The following TSPEAR variants were observed in gnomAD, a reference collection of about 807,000 sequenced individuals.
TSPEAR encodes the protein thrombospondin-type laminin G domain and EAR repeat-containing protein.
Under a neutral mutation model 71.6 loss-of-function variants are expected in TSPEAR, and 69 were observed. That is an observed-to-expected ratio of 0.96 (90% CI 0.79 to 1.18). The LOEUF is 1.18. TSPEAR is among the 50% of genes most tolerant of loss of function. TSPEAR has a pLI of 0.00. For synonymous variants in TSPEAR, 402 were observed against 387.2 expected, an observed-to-expected ratio of 1.04 and a Z score of -0.45; for missense variants, 971 against 894.9, an observed-to-expected ratio of 1.09 and a Z score of -1.09.
At chr21:44,572,811 T>C (rs9976294) in intron 1 of TSPEAR, among the ~76,000 whole-genome samples, 5,837 of 150,292 alleles carry the variant, frequency 0.039, 348 homozygotes, top group African/African-American at 0.13. Context: ...ATGCTTTGTA[T>C]CCTTATAAAA....
intron 2 of TSPEAR, among the ~76,000 whole-genome samples, chr21:44,542,341 G>GA (rs2053235080): frequency 6.6e-6 from 1 of 152,162 alleles, no homozygotes; most frequent in African/African-American, 2.4e-5. Context: ...AAATTTATGG[G>GA]AAAAATGATT....
intron 1 of TSPEAR, among the ~76,000 whole-genome samples, chr21:44,576,188 G>A (rs782684193): frequency 2.3e-4 from 35 of 152,346 alleles, no homozygotes; most frequent in Non-Finnish European, 1.6e-4. Flanking sequence ...GAACTCAGCC[G>A]CAGTGGAGGT....
intron 1 of TSPEAR, among the ~76,000 whole-genome samples, chr21:44,662,613 A>G (rs1985553501): frequency 6.6e-6 from 1 of 152,254 alleles, no homozygotes; most frequent in South Asian, 2.1e-4. Context: ...ACTGTCAATC[A>G]ACTTGACCTA....
intron 2 of TSPEAR, chr21:44,551,360 G>T: frequency 1.9e-6 from 3 of 1,613,186 alleles, no homozygotes; most frequent in South Asian, 2.2e-5. Context: ...AGCAGCTGGG[G>T]GTGCCGCAGG....
intron 1 of TSPEAR, among the ~76,000 whole-genome samples, chr21:44,639,883 G>C (rs1983925372): frequency 6.6e-6 from 1 of 152,110 alleles, no homozygotes; most frequent in Admixed American, 6.5e-5. Context: ...ACCTCCTGGT[G>C]GGGGGTCTCA....
chr21:44,622,093 T>C (rs1311048018), intron 1 of TSPEAR, among the ~76,000 whole-genome samples: 5 of 152,162 alleles, frequency 3.3e-5, no homozygotes, highest in African/African-American at 1.2e-4. Flanking sequence ...AAAGAGCAGG[T>C]ACAGATGGCA....
chr21:44,578,659 C>T (rs938453639), intron 1 of TSPEAR, among the ~76,000 whole-genome samples: 2 of 152,176 alleles, frequency 1.3e-5, no homozygotes, highest in Admixed American at 6.5e-5. Context: ...CACGCCTTGA[C>T]CCTGAGATGG....
intron 1 of TSPEAR, among the ~76,000 whole-genome samples, chr21:44,583,517 C>A (rs1555925395): frequency 6.6e-6 from 1 of 152,122 alleles, no homozygotes; most frequent in Non-Finnish European, 1.5e-5. Flanking sequence ...TTTTTTCACT[C>A]TAGTTTACCA....
chr21:44,616,751 G>C (rs939951240), intron 1 of TSPEAR, among the ~76,000 whole-genome samples: 2 of 152,276 alleles, frequency 1.3e-5, no homozygotes, highest in Non-Finnish European at 2.9e-5. Flanking sequence ...CGCAGGCAGC[G>C]CACGGACAGA....
chr21:44,675,791 C>A (rs142797728), intron 1 of TSPEAR: 93 of 550,696 alleles, frequency 1.7e-4, no homozygotes, highest in African/African-American at 1.5e-3. Flanking sequence ...ATTCTGGGAC[C>A]CTTGCGGCAA....
rs114325180 is a variant in TSPEAR at position 44,628,041 on chromosome 21, C to T, written c.83-60036G>A. ...ACAGCTTCTCCTCAGGCCAGAAGTC[C>T]AGCTGCTGACGGTCATGTCCCCCAG... On this transcript the variant is annotated intron_variant, in intron 1 of 11. Transcript: ENST00000323084. 2.3e-3 allele frequency: 3,654 copies of T among 1,611,904 alleles called. 69 individuals are homozygous for T. The African/African-American group carries it at 0.04, about 18-fold the overall frequency.
At chr21:44,654,694 G>T (rs1471569779) in intron 1 of TSPEAR, 3 of 989,546 alleles carry the variant, frequency 3.0e-6, no homozygotes, top group Non-Finnish European at 4.4e-6. Flanking sequence ...TTATACCCAG[G>T]CTACCGGCAT....
intron 1 of TSPEAR, among the ~76,000 whole-genome samples, chr21:44,696,997 A>C (rs970996553): frequency 7.1e-6 from 1 of 141,676 alleles, no homozygotes; most frequent in Non-Finnish European, 1.5e-5. Context: ...ACACTCACTC[A>C]CTCCCTCCTT....
chr21:44,522,097 ATGT>A lies in TSPEAR; in HGVS notation c.1349_1351del (p.Asn450del), dbSNP rs782685634. On this transcript the variant is annotated inframe_deletion, in exon 9 of 12. Transcript: ENST00000323084. Reference sequence around the variant, plus strand: ...GTTCCACTTGTAGATGACACTGTCGATGTTGTGGTTGTCGCCTGGAACCAAGGG... The same window carrying A: ...GTTCCACTTGTAGATGACACTGTCGATGTGGTTGTCGCCTGGAACCAAGGG... 3 of 1,613,954 alleles carry A rather than the reference ATGT, an allele frequency of 1.9e-6. No homozygotes were observed. The highest frequency in any genetic ancestry group is 2.2e-5 in the East Asian group (1 of 44,860).
At chr21:44,582,532 T>C (rs905056144) in intron 1 of TSPEAR, among the ~76,000 whole-genome samples, 6 of 152,198 alleles carry the variant, frequency 3.9e-5, no homozygotes, top group African/African-American at 1.4e-4. Context: ...CGAATGGGTG[T>C]GGTGATTCCT....
At chr21:44,528,122 G>A (rs1279443350) in intron 6 of TSPEAR, among the ~76,000 whole-genome samples, 8 of 152,156 alleles carry the variant, frequency 5.3e-5, no homozygotes, top group East Asian at 1.9e-4. Flanking sequence ...CTGTCAGCCC[G>A]TGTGTCATGC....
chr21:44,558,525 G>C (rs782771098), intron 2 of TSPEAR: 1 of 1,613,568 alleles, frequency 6.2e-7, no homozygotes, highest in South Asian at 1.1e-5. Context: ...GCAGGGGCTG[G>C]GCTCACAGGC....
chr21:44,502,923 CTGGCCTCAGTGAGCCCT>C (rs1569147345), intron 11 of TSPEAR, among the ~76,000 whole-genome samples: 2 of 68,028 alleles, frequency 2.9e-5, no homozygotes, highest in African/African-American at 8.5e-5. Flanking sequence ...TGGGAGGAAG[CTGGCCTCAGTGAGCCCT>C]CGGGGAAGCA....
chr21:44,657,585 G>A (rs140285096), intron 1 of TSPEAR, among the ~76,000 whole-genome samples: 2 of 152,162 alleles, frequency 1.3e-5, no homozygotes, highest in South Asian at 2.1e-4. Context: ...CAAAATTAAA[G>A]CTCAAAATAC....
Sources: allele counts gnomAD v4.1 joint callset (sites outside exome capture counted in the v4.1 genomes callset), GRCh38; gene constraint gnomAD v4.1.1; transcripts MANE v1.5; gene names NCBI Gene and HGNC (gene_info 2026-07-23, HGNC 2026-07-21).